The following PAX5 variants were observed in gnomAD, a reference collection of about 807,000 sequenced individuals.
The protein encoded by PAX5 is paired box 5.
PAX5 carries 9 observed loss-of-function variants against 43.7 expected under a neutral mutation model. The ratio of observed to expected loss-of-function variants is 0.21; its 90% CI spans 0.12 to 0.36. The LOEUF (loss-of-function observed/expected upper bound fraction) is 0.36, where lower values mean the gene tolerates loss of function less well. PAX5 is among the 10% of genes least tolerant of loss of function. The pLI is 1.00. For synonymous variants in PAX5, 228 were observed against 214.3 expected (o/e 1.06, Z -0.56); for missense variants, 383 against 532.7 (o/e 0.72, Z 2.77).
chr9:36,945,507 C>T (rs1832417893), intron 6 of PAX5, among the ~76,000 whole-genome samples: 1 of 152,250 alleles, frequency 6.6e-6, no homozygotes, highest in East Asian at 1.9e-4. Context: ...TCCCACAGTG[C>T]TGGGATGACA....
chr9:36,868,421 G>A (rs1825108126), intron 8 of PAX5, among the ~76,000 whole-genome samples: 1 of 152,244 alleles, frequency 6.6e-6, no homozygotes, highest in Admixed American at 6.5e-5. Flanking sequence ...CTCTATGGCA[G>A]ACCATGGGCA....
intron 6 of PAX5, 75 bp from the exon 7 acceptor site, chr9:36,923,559 A>C (rs1830356276): frequency 6.6e-7 from 1 of 1,524,118 alleles, no homozygotes; most frequent in Non-Finnish European, 8.8e-7. Flanking sequence ...CCACGTTCTG[A>C]GCTCAGCCAC....
At position 37,024,089 on chromosome 9, in the gene PAX5, G is replaced by T. The variant is rs546314607; in HGVS notation, c.47-3288C>A. 5.9e-5 allele frequency among the ~76,000 whole-genome samples: 9 copies of T among 152,360 alleles called. No individual in the cohort carries two copies. In the East Asian group the frequency reaches 1.7e-3, roughly 29 times the overall value. On this transcript the variant is annotated intron_variant, in intron 1 of 9. Transcript: ENST00000358127. ...GTGCCAATGTGAACTTCTTGAGTCA[G>T]TCCTTTTGTCTCTCTGACCTCAATA...
At chr9:37,016,797 T>A (rs1839426744) in intron 2 of PAX5, among the ~76,000 whole-genome samples, 1 of 152,262 alleles carries the variant, frequency 6.6e-6, no homozygotes, top group African/African-American at 2.4e-5. Context: ...TTACCCAAGA[T>A]GACTGGTCAC....
intron 6 of PAX5, among the ~76,000 whole-genome samples, chr9:36,964,145 G>T (rs1241992640): frequency 6.6e-6 from 1 of 152,102 alleles, no homozygotes; most frequent in East Asian, 1.9e-4. Flanking sequence ...GCCGGGCATG[G>T]TGGCGGGTGC....
chr9:36,931,777 A>G (rs1195196009), intron 6 of PAX5, among the ~76,000 whole-genome samples: 1 of 148,660 alleles, frequency 6.7e-6, no homozygotes, highest in Non-Finnish European at 1.5e-5. Context: ...TGAACCCAGG[A>G]GGCGGAGGCT....
chr9:36,977,339 T>A (rs1835524226), intron 5 of PAX5, among the ~76,000 whole-genome samples: 1 of 148,740 alleles, frequency 6.7e-6, no homozygotes. Flanking sequence ...AAAAAAAGAG[T>A]AACTTGCCCA....
At chr9:36,857,135 A>C (rs1027398390) in intron 8 of PAX5, among the ~76,000 whole-genome samples, 3 of 152,230 alleles carry the variant, frequency 2.0e-5, no homozygotes, top group African/African-American at 4.8e-5. Flanking sequence ...AGTCATACAC[A>C]CTTCCCATGG....
chr9:36,876,159 GGT>G (rs1825894455), intron 8 of PAX5, among the ~76,000 whole-genome samples: 1 of 152,194 alleles, frequency 6.6e-6, no homozygotes, highest in Non-Finnish European at 1.5e-5. Flanking sequence ...CTCCCCCTGT[GGT>G]GTTCAGTGGA....
chr9:37,025,059 G>A (rs1282423842), intron 1 of PAX5, among the ~76,000 whole-genome samples: 1 of 152,332 alleles, frequency 6.6e-6, no homozygotes, highest in Non-Finnish European at 1.5e-5. Context: ...GGAGTCCGAG[G>A]CAGAAAAGGC....
intron 1 of PAX5, among the ~76,000 whole-genome samples, chr9:37,031,447 G>A (rs2132573190): frequency 6.6e-6 from 1 of 152,276 alleles, no homozygotes; most frequent in Admixed American, 6.5e-5. Flanking sequence ...AATGCCCAGT[G>A]GGAAAGTACT....
At chr9:36,954,596 T>C (rs183120959) in intron 6 of PAX5, among the ~76,000 whole-genome samples, 32 of 152,364 alleles carry the variant, frequency 2.1e-4, no homozygotes, top group African/African-American at 7.5e-4. Flanking sequence ...GCCCTGTCAG[T>C]CTAAATGTTG....
intron 9 of PAX5, among the ~76,000 whole-genome samples, chr9:36,846,412 G>A (rs1025378146): frequency 6.6e-6 from 1 of 152,180 alleles, no homozygotes; most frequent in Non-Finnish European, 1.5e-5. Flanking sequence ...GGGCATCAGG[G>A]TCTTTATCAA....
chr9:37,015,323 G>A lies in PAX5; in HGVS notation c.213-129C>T, dbSNP rs1839298562. The A allele has an allele frequency of 2.8e-6, 2 of 718,954 alleles. No homozygotes were observed. Among genetic ancestry groups the A allele is most frequent in the Non-Finnish European group, 4.7e-6 (2 of 424,086 alleles). The allele number at this position is 718,954 out of a possible 1,614,324, so 44.5% of individuals were successfully genotyped here. ...GTTCCAATACAGTAGCCACCAGCCA[G>A]ATGCGGCTTTTGAACATTTGAAATA... On this transcript the variant is annotated intron_variant, in intron 2 of 9. Coordinates refer to ENST00000358127, the MANE Select transcript of PAX5 (RefSeq NM_016734.3). The surrounding 1 kb of genome is among the most constrained non-coding windows in gnomAD (Gnocchi z 4.4).
At chr9:36,949,762 C>T (rs548712591) in intron 6 of PAX5, among the ~76,000 whole-genome samples, 23 of 152,300 alleles carry the variant, frequency 1.5e-4, no homozygotes, top group Admixed American at 1.2e-3. Context: ...CCTTTCTGGG[C>T]CAGGCATGGG....
intron 7 of PAX5, among the ~76,000 whole-genome samples, chr9:36,899,129 A>G (rs1000421922): frequency 6.6e-6 from 1 of 151,608 alleles, no homozygotes; most frequent in Non-Finnish European, 1.5e-5. Context: ...CTTTCCCCCA[A>G]CTCGCCTCCA....
intron 7 of PAX5, among the ~76,000 whole-genome samples, chr9:36,919,651 G>A (rs1829979659): frequency 6.6e-6 from 1 of 151,918 alleles, no homozygotes; most frequent in South Asian, 2.1e-4. Context: ...GACCATCCTG[G>A]TCAAGATGGT....
chr9:37,026,699 G>A (rs2132538561), intron 1 of PAX5: 1 of 1,299,572 alleles, frequency 7.7e-7, no homozygotes, highest in East Asian at 3.7e-5. Context: ...AGAAAACACT[G>A]CTGGAGCTTC....
chr9:37,014,953 C>T (rs2132469609), intron 3 of PAX5, 44 bp downstream of exon 3: 1 of 1,554,758 alleles, frequency 6.4e-7, no homozygotes, highest in Non-Finnish European at 8.8e-7. Flanking sequence ...GGATGCCCTG[C>T]CATCCCTCCA....
Sources: gnomAD v4.1 joint callset for allele counts (sites outside exome capture counted in the v4.1 genomes callset) on GRCh38, gnomAD v4.1.1 for gene constraint, Gnocchi (gnomAD v3.1) non-coding constraint, MANE v1.5 for transcripts, NCBI Gene and HGNC (gene_info 2026-07-23, HGNC 2026-07-21) for gene names.